The following HAUS6 variants were observed in gnomAD, a reference collection of about 807,000 sequenced individuals.
HAUS6 encodes the protein HAUS augmin-like complex subunit 6.
Under a neutral mutation model 106.8 loss-of-function variants are expected in HAUS6, and 80 were observed. That is an observed-to-expected ratio of 0.75 (90% CI 0.63 to 0.90). The LOEUF is 0.90. HAUS6 is among the 40% of genes least tolerant of loss of function. HAUS6 has a pLI of 0.00. For missense variants in HAUS6, 1,155 were observed against 1,118.1 expected, an observed-to-expected ratio of 1.03 and a Z score of -0.47; for synonymous variants, 356 against 379.1, an observed-to-expected ratio of 0.94 and a Z score of 0.71.
intron 9 of HAUS6, 51 bp from the exon 10 acceptor site, chr9:19,078,353 T>C: frequency 1.8e-6 from 2 of 1,086,778 alleles, no homozygotes; most frequent in East Asian, 2.4e-5. Context: ...AAAAAAGCAC[T>C]GAGTAAAATT....
chr9:19,061,760 A>T (rs1298092324), intron 14 of HAUS6, among the ~76,000 whole-genome samples: 2 of 152,234 alleles, frequency 1.3e-5, no homozygotes, highest in African/African-American at 4.8e-5. Context: ...CCTTGAGCTC[A>T]GAAGTTCGAA....
At chr9:19,099,710 C>T (rs1204179559) in intron 1 of HAUS6, among the ~76,000 whole-genome samples, 5 of 152,198 alleles carry the variant, frequency 3.3e-5, no homozygotes, top group African/African-American at 1.2e-4. Context: ...AATCTCCCAC[C>T]TCAGCCTTCT....
intron 9 of HAUS6, 73 bp downstream of exon 9, chr9:19,080,406 A>T: frequency 2.2e-6 from 2 of 910,146 alleles, no homozygotes; most frequent in Non-Finnish European, 3.6e-6. Flanking sequence ...AAGAGCTATT[A>T]AACTTATACA....
intron 1 of HAUS6, among the ~76,000 whole-genome samples, chr9:19,098,937 G>C (rs1469521051): frequency 2.0e-5 from 3 of 146,414 alleles, no homozygotes; most frequent in African/African-American, 5.2e-5. Flanking sequence ...CAGGAGAATC[G>C]CTTGAACCTG....
Position 19,058,620 on chromosome 9 carries a change from G to C in HAUS6, c.2147C>G (p.Pro716Arg), listed in dbSNP as rs1361613053. ...SETSRMETFS[P>R]AVGNRIDVMG... ...CACATCTATCCTATTGCCGACAGCA[G>C]GGGAGAATGTCTCCATTCGGCTAGT... The change falls in exon 16 of 17, where the codon CCT becomes CGT. Residue 716 changes from proline to arginine, a missense_variant. By Grantham distance (103) the Pro-to-Arg change is moderately radical. This residue lies in a region of HAUS6 where 380 missense variants were observed against 394.8 expected (regional missense o/e 0.96). Transcript: ENST00000380502. 21 of 1,605,870 alleles carry C rather than the reference G, an allele frequency of 1.3e-5. No individual in the cohort carries two copies. The highest frequency in any genetic ancestry group is 1.7e-5 in the Non-Finnish European group (20 of 1,173,448).
At chr9:19,084,987 G>A (rs547280865) in intron 7 of HAUS6, among the ~76,000 whole-genome samples, 1 of 151,988 alleles carries the variant, frequency 6.6e-6, no homozygotes, top group Admixed American at 6.6e-5. Context: ...CAGTCCACTG[G>A]CACAACCAGA....
chr9:19,090,248 TA>T (rs1588623531), intron 4 of HAUS6, among the ~76,000 whole-genome samples: 1 of 152,174 alleles, frequency 6.6e-6, no homozygotes, highest in African/African-American at 2.4e-5. Flanking sequence ...TGTATCCACC[TA>T]AAAAAATTCT....
At chr9:19,086,161 A>C (rs1837290549) in intron 7 of HAUS6, among the ~76,000 whole-genome samples, 1 of 151,740 alleles carries the variant, frequency 6.6e-6, no homozygotes. Context: ...AAATACAAAA[A>C]TCAGCTGCAC....
Position 19,088,773 on chromosome 9 carries a change from G to C in HAUS6, c.584+639C>G, listed in dbSNP as rs148245292. On this transcript the variant is annotated intron_variant, in intron 5 of 16. Coordinates refer to ENST00000380502, the MANE Select transcript of HAUS6 (RefSeq NM_017645.5). ...GGCGCCTGTAATCTCAGCTACTCAG[G>C]AGCCTGAGGCAGGAGAATCGTTTGA... Among the ~76,000 whole-genome samples the C allele has an allele frequency of 6.8e-3, 1,033 of 151,872 alleles. 10 individuals are homozygous for C. Among genetic ancestry groups the C allele is most frequent in the African/African-American group, 0.024 (991 of 41,364 alleles).
intron 4 of HAUS6, among the ~76,000 whole-genome samples, chr9:19,089,884 G>C (rs577479500): frequency 6.6e-6 from 1 of 152,244 alleles, no homozygotes; most frequent in East Asian, 1.9e-4. Context: ...CCAGGCTGGA[G>C]TGCAGTGGCA....
At chr9:19,069,208 G>A (rs1191075244) in intron 12 of HAUS6, among the ~76,000 whole-genome samples, 2 of 152,042 alleles carry the variant, frequency 1.3e-5, no homozygotes, top group African/African-American at 4.8e-5. Flanking sequence ...CTTGAACTTA[G>A]TTTCAAAAAA....
chr9:19,077,105 A>C (rs1462336069), intron 10 of HAUS6, among the ~76,000 whole-genome samples: 1 of 152,060 alleles, frequency 6.6e-6, no homozygotes, highest in Non-Finnish European at 1.5e-5. Context: ...CTGCCTCCCA[A>C]AACAGTGGGA....
intron 12 of HAUS6, among the ~76,000 whole-genome samples, chr9:19,066,580 C>CA (rs1491399484): frequency 2.8e-5 from 4 of 141,498 alleles, no homozygotes; most frequent in Admixed American, 6.9e-5. Flanking sequence ...AACTCCCCCC[C>CA]ACACACACAA....
chr9:19,069,383 T>C (rs1325271980), intron 12 of HAUS6, among the ~76,000 whole-genome samples: 1 of 152,168 alleles, frequency 6.6e-6, no homozygotes, highest in Non-Finnish European at 1.5e-5. Flanking sequence ...TAGAAAAATA[T>C]TGTCCAGTTA....
rs773916877 is a variant in HAUS6 at position 19,093,205 on chromosome 9, A to G, written c.402T>C (p.Phe134=). 1 of 1,601,316 alleles carries G rather than the reference A, an allele frequency of 6.2e-7. No homozygotes were observed. The highest frequency in any genetic ancestry group is 2.2e-5 in the East Asian group (1 of 44,784). ...TGGATTTAATATATTTCATTGCAAC[A>G]AATCTTGCAAAATGATACATCAGAT... ...FIHLMYHFAR[F]VAMKYIKSNS... is the part of the protein sequence containing the mutation. The change falls in exon 4 of 17, where the codon TTT becomes TTC. Residue 134 remains phenylalanine (F), a synonymous_variant. Coordinates refer to ENST00000380502, the MANE Select transcript of HAUS6 (RefSeq NM_017645.5).
chr9:19,096,529 C>T (rs1284599412), intron 2 of HAUS6, 145 bp downstream of exon 2: 1 of 527,732 alleles, frequency 1.9e-6, no homozygotes, highest in African/African-American at 2.3e-5. Context: ...CACGCCACTG[C>T]ACTCCAGCCT....
At chr9:19,091,879 G>A (rs201191222) in intron 4 of HAUS6, among the ~76,000 whole-genome samples, 2 of 151,920 alleles carry the variant, frequency 1.3e-5, no homozygotes, top group East Asian at 1.9e-4. Context: ...CCAGGCTGGT[G>A]TCGAACTCCT....
chr9:19,094,827 C>G (rs1270760143), intron 2 of HAUS6, among the ~76,000 whole-genome samples: 1 of 151,916 alleles, frequency 6.6e-6, no homozygotes, highest in Admixed American at 6.6e-5. Context: ...AGCTAACCTT[C>G]TTAGATAACA....
intron 10 of HAUS6, 70 bp from the exon 11 acceptor site, chr9:19,076,774 A>C (rs949572017): frequency 1.1e-5 from 8 of 711,736 alleles, no homozygotes; most frequent in African/African-American, 5.4e-5. Context: ...ATACTGAGTT[A>C]ATCTATGAAT....
Sources: gnomAD v4.1 joint callset for allele counts (sites outside exome capture counted in the v4.1 genomes callset) on GRCh38, gnomAD v4.1.1 for gene constraint, gnomAD v4.1.1 regional missense constraint, MANE v1.5 for transcripts, NCBI Gene and HGNC (gene_info 2026-07-23, HGNC 2026-07-21) for gene names.